STK17A: variants seen among roughly 807,000 people sequenced by gnomAD.
STK17A encodes serine/threonine-protein kinase 17A.
STK17A carries 26 observed loss-of-function variants against 43.7 expected under a neutral mutation model. The observed-to-expected ratio is 0.60, with a 90% CI of 0.44 to 0.83. The LOEUF is 0.83. Among genes scored for constraint, STK17A ranks in the 40% least tolerant of loss-of-function variants. The pLI is 0.00. For missense variants in STK17A, 476 were observed against 511.6 expected (o/e 0.93, Z 0.67); for synonymous variants, 191 against 182.5 (o/e 1.05, Z -0.38).
In STK17A at chr7:43,608,358, T is replaced by A; in HGVS notation, c.522T>A (p.Val174=). ...TTATGCGACAGATTTTAGAAGGTGT[T>A]CACTTTTTACACACTCGTGATGTAG... ...QRLMRQILEG[V]HFLHTRDVVH... is the part of the protein sequence containing the mutation. The change falls in exon 3 of 7, where the codon GTT becomes GTA. Residue 174 remains valine (V), a synonymous_variant. Coordinates refer to ENST00000319357, the MANE Select transcript of STK17A (RefSeq NM_004760.3). The A allele has an allele frequency of 6.2e-7, 1 of 1,614,064 alleles. No individual in the cohort carries two copies. The highest frequency in any genetic ancestry group is 8.5e-7 in the Non-Finnish European group (1 of 1,179,992).
intron 6 of STK17A, 150 bp downstream of exon 6, chr7:43,624,038 T>G: frequency 1.8e-6 from 1 of 557,622 alleles, no homozygotes; most frequent in Non-Finnish European, 2.8e-6. Flanking sequence ...AATGTTGACA[T>G]AAATCTAGGT....
rs568649591 is a variant in STK17A at position 43,589,224 on chromosome 7, C to G, written c.206+5775C>G. Reference sequence around the variant, plus strand: ...GTGCTGATTATATTTGCACACCTGCCATGTGCAGGGCACTATGGAGATAAA... The same window carrying G: ...GTGCTGATTATATTTGCACACCTGCGATGTGCAGGGCACTATGGAGATAAA... On this transcript the variant is annotated intron_variant, in intron 1 of 6. Transcript: ENST00000319357. Among the ~76,000 whole-genome samples, 27 of 151,424 alleles carry G rather than the reference C, an allele frequency of 1.8e-4. 2 individuals carry two copies. Among genetic ancestry groups the G allele is most frequent in the Non-Finnish European group, 3.6e-4 (24 of 67,592 alleles).
rs369370775 is a variant in STK17A, at chr7:43,623,847, G to A, written c.879G>A (p.Ser293=). The change falls in exon 6 of 7, where the codon TCG becomes TCA. Residue 293 remains serine (S), a synonymous_variant. Coordinates refer to ENST00000319357, the MANE Select transcript of STK17A (RefSeq NM_004760.3). ...SEEEFDVLSE[S]AVDFIRTLLV... ...AAGAATTTGATGTTTTGTCTGAGTC[G>A]GCTGTTGATTTCATCAGGACACTTT... 32 of 1,592,946 alleles carry A rather than the reference G, an allele frequency of 2.0e-5. No individual in the cohort carries two copies. In the East Asian group the frequency reaches 2.5e-4, roughly 12 times the overall value.
chr7:43,618,196 G>A (rs779597703), intron 3 of STK17A, among the ~76,000 whole-genome samples: 1 of 152,202 alleles, frequency 6.6e-6, no homozygotes, highest in African/African-American at 2.4e-5. Context: ...CCATGCTGTG[G>A]AGCAGGGACG....
intron 2 of STK17A, among the ~76,000 whole-genome samples, chr7:43,599,262 A>G (rs1188159375): frequency 6.6e-6 from 1 of 152,224 alleles, no homozygotes; most frequent in Non-Finnish European, 1.5e-5. Context: ...GAAGTTGTAC[A>G]TGATTGAATA....
In STK17A at chr7:43,625,652, T is replaced by G. The variant is rs1009962063; in HGVS notation, c.*810T>G. Reference sequence around the variant, plus strand: ...TGCTTGTCATTTAATTTTGGCCACTTGTAGGTATCAGTGTGATCTGATCAA... The same window carrying G: ...TGCTTGTCATTTAATTTTGGCCACTGGTAGGTATCAGTGTGATCTGATCAA... On this transcript the variant is annotated 3_prime_UTR_variant, in exon 7 of 7. Coordinates refer to ENST00000319357, the MANE Select transcript of STK17A (RefSeq NM_004760.3). 1 of 152,468 alleles carries G rather than the reference T, an allele frequency of 6.6e-6. No individual in the cohort carries two copies. Among genetic ancestry groups the G allele is most frequent in the African/African-American group, 2.4e-5 (1 of 41,426 alleles). 9.4% of individuals were successfully genotyped at this position (152,468 alleles called of 1,614,324 possible).
rs1321410478 is a variant in STK17A at position 43,625,037 on chromosome 7, TAC to T, written c.*197_*198del. The T allele has an allele frequency of 4.4e-6, 2 of 454,930 alleles. No homozygotes were observed. The highest frequency in any genetic ancestry group is 2.0e-5 in the African/African-American group (1 of 49,734). The allele number at this position is 454,930 out of a possible 1,614,324, so 28.2% of individuals were successfully genotyped here. Reference sequence around the variant, plus strand: ...GTTGCCAACCAGGAGATTTAACAGGTACAGTTACCCGTTTCAATGTTATTTTT... The same window carrying T: ...GTTGCCAACCAGGAGATTTAACAGGTAGTTACCCGTTTCAATGTTATTTTT... On this transcript the variant is annotated 3_prime_UTR_variant, in exon 7 of 7. Transcript: ENST00000319357.
intron 1 of STK17A, 144 bp from the exon 2 acceptor site, chr7:43,595,757 A>C: frequency 3.0e-6 from 2 of 662,640 alleles, no homozygotes; most frequent in South Asian, 4.1e-5. Flanking sequence ...AGCCTATATA[A>C]ATTTCTAAGT....
At chr7:43,584,473 G>A (rs1235388491) in intron 1 of STK17A, among the ~76,000 whole-genome samples, 1 of 152,236 alleles carries the variant, frequency 6.6e-6, no homozygotes, top group East Asian at 1.9e-4. Context: ...TTGCCACATG[G>A]CGTTCAGTAA....
At chr7:43,604,141 T>TCA (rs2082573719) in intron 2 of STK17A, among the ~76,000 whole-genome samples, 1 of 152,162 alleles carries the variant, frequency 6.6e-6, no homozygotes, top group African/African-American at 2.4e-5. Context: ...TCTTCCAGCT[T>TCA]TATATATATT....
chr7:43,599,846 G>C (rs2082544020), intron 2 of STK17A, among the ~76,000 whole-genome samples: 2 of 152,160 alleles, frequency 1.3e-5, no homozygotes, highest in Admixed American at 1.3e-4. Context: ...CAGAACCCCA[G>C]GGAGTGGGAG....
At chr7:43,619,781 C>G in intron 4 of STK17A, 58 bp downstream of exon 4, 1 of 1,587,164 alleles carries the variant, frequency 6.3e-7, no homozygotes, top group Non-Finnish European at 8.6e-7. Flanking sequence ...CATTAGGGGA[C>G]TTGTCCATGT....
chr7:43,611,529 G>GT (rs2082877715), intron 3 of STK17A, among the ~76,000 whole-genome samples: 2 of 152,136 alleles, frequency 1.3e-5, no homozygotes, highest in Non-Finnish European at 2.9e-5. Context: ...CATAGCTTGG[G>GT]TGGGGGCATT....
At chr7:43,606,184 A>G (rs1369106289) in intron 2 of STK17A, among the ~76,000 whole-genome samples, 2 of 152,114 alleles carry the variant, frequency 1.3e-5, no homozygotes, top group African/African-American at 4.8e-5. Flanking sequence ...CTTATTTGTA[A>G]TTATCTTTCT....
At chr7:43,594,542 T>G (rs2082501956) in intron 1 of STK17A, among the ~76,000 whole-genome samples, 1 of 151,978 alleles carries the variant, frequency 6.6e-6, no homozygotes, top group Non-Finnish European at 1.5e-5. Flanking sequence ...TGGCATTTGG[T>G]GTTAGGTAAA....
intron 1 of STK17A, among the ~76,000 whole-genome samples, chr7:43,591,476 C>T (rs1369128010): frequency 2.6e-5 from 4 of 151,450 alleles, no homozygotes; most frequent in Non-Finnish European, 5.9e-5. Flanking sequence ...TATTTACCAT[C>T]TTGCTTGCCC....
rs554711717 is a variant in STK17A, at chr7:43,602,265, A to G, written c.420-5991A>G. Among the ~76,000 whole-genome samples, 19 of 152,046 alleles carry G rather than the reference A, an allele frequency of 1.2e-4. No homozygotes were observed. The East Asian group carries it at 2.1e-3, about 17-fold the overall frequency. On this transcript the variant is annotated intron_variant, in intron 2 of 6. Coordinates refer to ENST00000319357, the MANE Select transcript of STK17A (RefSeq NM_004760.3). ...TTTTCCCTTTGTTTTCTAATATTTC[A>G]GTCTCTTCTATGCTAAAATTCCTTC...
At chr7:43,593,077 C>T (rs576427609) in intron 1 of STK17A, among the ~76,000 whole-genome samples, 3 of 152,310 alleles carry the variant, frequency 2.0e-5, no homozygotes, top group East Asian at 3.9e-4. Flanking sequence ...TCACCCCCTT[C>T]CCACTCTCTT....
rs541221889 is a variant in STK17A, at chr7:43,615,509, C to A, written c.565-4088C>A. Reference sequence around the variant, plus strand: ...TGTACTATAGTATTTTATTAACATACGAAAACTAAAATTGCCTTGAAAAGT... The same window carrying A: ...TGTACTATAGTATTTTATTAACATAAGAAAACTAAAATTGCCTTGAAAAGT... On this transcript the variant is annotated intron_variant, in intron 3 of 6. Coordinates refer to ENST00000319357, the MANE Select transcript of STK17A (RefSeq NM_004760.3). Among the ~76,000 whole-genome samples, 6 of 152,114 alleles carry A rather than the reference C, an allele frequency of 3.9e-5. No homozygotes were observed. In the East Asian group the frequency reaches 9.7e-4, roughly 25 times the overall value.
Sources: allele counts gnomAD v4.1 joint callset (sites outside exome capture counted in the v4.1 genomes callset), GRCh38; gene constraint gnomAD v4.1.1; transcripts MANE v1.5; gene names NCBI Gene and HGNC (gene_info 2026-07-23, HGNC 2026-07-21).